The following CTTN variants were observed in gnomAD, a reference collection of about 807,000 sequenced individuals.
CTTN encodes cortactin.
CTTN carries 28 observed loss-of-function variants against 84.0 expected under a neutral mutation model. The observed-to-expected ratio is 0.33, with a 90% CI of 0.25 to 0.46. The LOEUF is 0.46. Among genes scored for constraint, CTTN ranks in the 20% least tolerant of loss-of-function variants. The pLI is 1.00. For missense variants in CTTN, 641 were observed against 723.8 expected, an observed-to-expected ratio of 0.89 and a Z score of 1.31; for synonymous variants, 301 against 288.8, an observed-to-expected ratio of 1.04 and a Z score of -0.43.
chr11:70,413,373 G>C (rs970179159), intron 5 of CTTN, among the ~76,000 whole-genome samples: 1 of 152,192 alleles, frequency 6.6e-6, no homozygotes, highest in Non-Finnish European at 1.5e-5. Context: ...GCTGTGAGGA[G>C]GGAGCCTCAG....
At position 70,425,421 on chromosome 11, in the gene CTTN, A is replaced by G; in HGVS notation, c.1027+20A>G. ...AAGCTGGTGAGTCCCGGCTGATACC[A>G]GGAGCACCGTGTGGTTTCCCAGGAA... On this transcript the variant is annotated intron_variant, in intron 13 of 17. Transcript: ENST00000301843. 1 of 1,597,876 alleles carries G rather than the reference A, an allele frequency of 6.3e-7. No individual in the cohort carries two copies. Among genetic ancestry groups the G allele is most frequent in the Non-Finnish European group, 8.6e-7 (1 of 1,168,604 alleles).
chr11:70,431,657 C>T (rs1468034449), intron 15 of CTTN, among the ~76,000 whole-genome samples: 2 of 152,140 alleles, frequency 1.3e-5, no homozygotes, highest in Non-Finnish European at 2.9e-5. Flanking sequence ...TGCTGCCCTC[C>T]TTCATCACTG....
At chr11:70,426,319 G>T (rs907867400) in intron 13 of CTTN, among the ~76,000 whole-genome samples, 6 of 151,836 alleles carry the variant, frequency 4.0e-5, no homozygotes, top group Non-Finnish European at 7.4e-5. Context: ...GCTGAGACAG[G>T]AGAATGGCGT....
At chr11:70,424,113 G>C (rs762434447) in intron 12 of CTTN, among the ~76,000 whole-genome samples, 3 of 152,180 alleles carry the variant, frequency 2.0e-5, no homozygotes, top group Non-Finnish European at 2.9e-5. Context: ...GGTAGGGCCG[G>C]GGCCGGGTCC....
chr11:70,431,151 T>C (rs956174073), intron 14 of CTTN, 40 bp from the exon 15 acceptor site: 1 of 1,584,162 alleles, frequency 6.3e-7, no homozygotes, highest in Non-Finnish European at 8.7e-7. Context: ...GTGCAGAGTG[T>C]CATGGCAGCA....
At chr11:70,403,570 A>C (rs1442788647) in intron 1 of CTTN, among the ~76,000 whole-genome samples, 2 of 152,048 alleles carry the variant, frequency 1.3e-5, no homozygotes, top group Admixed American at 6.5e-5. Flanking sequence ...TGAAGCACAA[A>C]ATTTTTAATT....
At chr11:70,408,994 G>T (rs1040281966) in intron 4 of CTTN, among the ~76,000 whole-genome samples, 1 of 152,168 alleles carries the variant, frequency 6.6e-6, no homozygotes, top group Non-Finnish European at 1.5e-5. Context: ...AAACCCTTGG[G>T]CTGGTTAGGA....
chr11:70,406,990 A>G (rs1461679087), intron 2 of CTTN, among the ~76,000 whole-genome samples: 1 of 152,244 alleles, frequency 6.6e-6, no homozygotes, highest in East Asian at 1.9e-4. Context: ...ATATGTTCTT[A>G]ATGAATAAAT....
Position 70,429,344 on chromosome 11 carries a change from A to G in CTTN, c.1176+145A>G. 9 of 870,932 alleles carry G rather than the reference A, an allele frequency of 1.0e-5. No homozygotes were observed. The South Asian group carries it at 1.2e-4, about 12-fold the overall frequency. 54.0% of individuals were successfully genotyped at this position (870,932 alleles called of 1,614,324 possible). A position where few individuals can be genotyped will look rare whatever the true frequency, so the allele number is the denominator to read the frequency against. On this transcript the variant is annotated intron_variant, in intron 14 of 17. Transcript: ENST00000301843. ...GTTTAACTCTCCTTTAAGGCTCTCC[A>G]TTAAGGCACTTGTCACTTGCAGCCA...
intron 1 of CTTN, among the ~76,000 whole-genome samples, chr11:70,401,707 T>C (rs2057985041): frequency 6.7e-6 from 1 of 150,206 alleles, no homozygotes; most frequent in African/African-American, 2.4e-5. Flanking sequence ...GGTGGTGCAT[T>C]CCTGTAGTCC....
rs558601511 is a variant in CTTN, at chr11:70,407,884, G to T, written c.161+293G>T. On this transcript the variant is annotated intron_variant, in intron 4 of 17. Transcript: ENST00000301843. Reference sequence around the variant, plus strand: ...AGAGTGTCCGCTTCTCAGTATTGTGGCTTTTATCAGGGAACATTTGTCCCT... The same window carrying T: ...AGAGTGTCCGCTTCTCAGTATTGTGTCTTTTATCAGGGAACATTTGTCCCT... 11 of 363,110 alleles carry T rather than the reference G, an allele frequency of 3.0e-5. No individual in the cohort carries two copies. In the South Asian group the frequency reaches 5.0e-4, roughly 17 times the overall value. The allele number at this position is 363,110 out of a possible 1,614,324, so 22.5% of individuals were successfully genotyped here. A position where few individuals can be genotyped will look rare whatever the true frequency, so the allele number is the denominator to read the frequency against.
At chr11:70,431,409 A>T (rs2058352881) in intron 15 of CTTN, 129 bp downstream of exon 15, 2 of 967,026 alleles carry the variant, frequency 2.1e-6, no homozygotes, top group Admixed American at 3.8e-5. Context: ...GCTGCATTCC[A>T]CGCCCGGAGA....
intron 7 of CTTN, 30 bp from the exon 8 acceptor site, chr11:70,416,983 C>T: frequency 6.6e-7 from 1 of 1,515,062 alleles, no homozygotes; most frequent in South Asian, 1.1e-5. Flanking sequence ...TCCTCAGGCC[C>T]CCGTGCTAAT....
Position 70,435,572 on chromosome 11 carries a change from G to T in CTTN, c.*410G>T, listed in dbSNP as rs747018962. ...AGGCCTCAGGTCGGCCCTGTGGCGGGTAGGCAGGAAGGACTGTCCCAGACG... is the reference window on the plus strand; with the variant it reads ...AGGCCTCAGGTCGGCCCTGTGGCGGTTAGGCAGGAAGGACTGTCCCAGACG... On this transcript the variant is annotated 3_prime_UTR_variant, in exon 18 of 18. Transcript: ENST00000301843. 4 of 1,565,592 alleles carry T rather than the reference G, an allele frequency of 2.6e-6. No homozygotes were observed. The Admixed American group carries it at 5.5e-5, about 21-fold the overall frequency.
rs112624137 is a variant in CTTN, at chr11:70,432,799, C to G, written c.1267-302C>G. On this transcript the variant is annotated intron_variant, in intron 15 of 17. Coordinates refer to ENST00000301843, the MANE Select transcript of CTTN (RefSeq NM_005231.4). ...TAACCCAACAAAGACAGGCTCTACC[C>G]CCAGGCAACAGTGTGGGCAGGGGCG... is the stretch of plus-strand genomic sequence containing the variant. Among the ~76,000 whole-genome samples, 534 of 152,294 alleles carry G rather than the reference C, an allele frequency of 3.5e-3. 8 individuals are homozygous for G. The highest frequency in any genetic ancestry group is 0.012 in the African/African-American group (515 of 41,574).
chr11:70,411,441 C>G (rs537158228), intron 5 of CTTN, among the ~76,000 whole-genome samples: 1 of 151,982 alleles, frequency 6.6e-6, no homozygotes, highest in Non-Finnish European at 1.5e-5. Flanking sequence ...CGTGTGCACA[C>G]GGACAGACGG....
intron 5 of CTTN, chr11:70,410,284 A>G (rs902091022): frequency 1.2e-5 from 3 of 254,248 alleles, no homozygotes; most frequent in South Asian, 7.1e-5. Flanking sequence ...ATCACTGTCA[A>G]TGCCTGTGGT....
chr11:70,425,257 A>G, intron 12 of CTTN, 75 bp from the exon 13 acceptor site: 1 of 1,192,878 alleles, frequency 8.4e-7, no homozygotes, highest in Non-Finnish European at 1.2e-6. Flanking sequence ...AGGCATTTGC[A>G]TCTGGCAGGA....
In CTTN at chr11:70,435,908, G is replaced by A; in HGVS notation, c.*746G>A. 6.8e-7 allele frequency: 1 copy of A among 1,471,038 alleles called. No individual in the cohort carries two copies. The highest frequency in any genetic ancestry group is 8.9e-7 in the Non-Finnish European group (1 of 1,121,366). The allele number at this position is 1,471,038 out of a possible 1,614,324, so 91.1% of individuals were successfully genotyped here. On this transcript the variant is annotated 3_prime_UTR_variant, in exon 18 of 18. Transcript: ENST00000301843. ...CCTTGAAATCCTCCCCTGCCCCGCG[G>A]GTCTCTGGATTGGGACGCACAGTGC... is the stretch of plus-strand genomic sequence containing the variant.
Sources: gnomAD v4.1 joint callset for allele counts (sites outside exome capture counted in the v4.1 genomes callset) on GRCh38, gnomAD v4.1.1 for gene constraint, MANE v1.5 for transcripts, NCBI Gene and HGNC (gene_info 2026-07-23, HGNC 2026-07-21) for gene names.